The following ENOX1 variants were observed in gnomAD, a reference collection of about 807,000 sequenced individuals.
ENOX1 encodes ecto-NOX disulfide-thiol exchanger 1.
ENOX1 carries 42 observed loss-of-function variants against 82.5 expected under a neutral mutation model. The observed-to-expected ratio is 0.51, with a 90% CI of 0.40 to 0.66. ENOX1 has a LOEUF of 0.66. ENOX1 is among the 30% of genes least tolerant of loss of function. The pLI is 0.00. For missense variants in ENOX1, 608 were observed against 811.6 expected, an observed-to-expected ratio of 0.75 and a Z score of 3.05; for synonymous variants, 271 against 282.2, an observed-to-expected ratio of 0.96 and a Z score of 0.40.
At chr13:43,465,564 GA>G (rs1470915068) in intron 3 of ENOX1, among the ~76,000 whole-genome samples, 1 of 152,098 alleles carries the variant, frequency 6.6e-6, no homozygotes, top group African/African-American at 2.4e-5. Context: ...ATAATATTTA[GA>G]AACCACGGTC....
At chr13:43,309,560 T>C (rs1405432182) in intron 11 of ENOX1, among the ~76,000 whole-genome samples, 1 of 152,186 alleles carries the variant, frequency 6.6e-6, no homozygotes. Flanking sequence ...ATTTCAGTGA[T>C]TCAGATGGCT....
intron 5 of ENOX1, among the ~76,000 whole-genome samples, chr13:43,391,755 G>C (rs2052792481): frequency 6.6e-6 from 1 of 152,048 alleles, no homozygotes; most frequent in Non-Finnish European, 1.5e-5. Flanking sequence ...CTGGGACCTG[G>C]ACATGTGTGG....
At chr13:43,595,479 T>C (rs971416571) in intron 2 of ENOX1, among the ~76,000 whole-genome samples, 3 of 152,192 alleles carry the variant, frequency 2.0e-5, no homozygotes, top group Non-Finnish European at 4.4e-5. Flanking sequence ...TCTTATGTAT[T>C]AGACTTTATG....
intron 1 of ENOX1, among the ~76,000 whole-genome samples, chr13:43,668,094 T>C (rs1243065276): frequency 6.6e-6 from 1 of 152,190 alleles, no homozygotes; most frequent in East Asian, 1.9e-4. Flanking sequence ...CCTAGATATT[T>C]TCATAGGATA....
intron 3 of ENOX1, among the ~76,000 whole-genome samples, chr13:43,426,872 T>C (rs1326154827): frequency 1.3e-5 from 2 of 152,172 alleles, no homozygotes; most frequent in African/African-American, 4.8e-5. Context: ...GTGAGACACA[T>C]AATCAACATA....
intron 3 of ENOX1, among the ~76,000 whole-genome samples, chr13:43,430,458 T>C (rs1391424137): frequency 6.6e-6 from 1 of 152,226 alleles, no homozygotes; most frequent in Admixed American, 6.5e-5. Context: ...CATAATTTCT[T>C]TTCTTTATTC....
At chr13:43,300,731 CATG>C (rs1244384681) in intron 11 of ENOX1, among the ~76,000 whole-genome samples, 1 of 152,088 alleles carries the variant, frequency 6.6e-6, no homozygotes, top group Non-Finnish European at 1.5e-5. Flanking sequence ...AGTGGAAGGA[CATG>C]ATGAAATTGG....
At chr13:43,608,197 C>T (rs1371957525) in intron 2 of ENOX1, among the ~76,000 whole-genome samples, 2 of 152,140 alleles carry the variant, frequency 1.3e-5, no homozygotes, top group Non-Finnish European at 2.9e-5. Context: ...TGGGTACGAG[C>T]ATGGGGAGGG....
chr13:43,288,781 T>C lies in ENOX1; in HGVS notation c.1446+9565A>G, dbSNP rs181518934. 9.2e-5 allele frequency among the ~76,000 whole-genome samples: 14 copies of C among 152,330 alleles called. No individual in the cohort carries two copies. The East Asian group carries it at 2.7e-3, about 29-fold the overall frequency. ...GTAGATCCTCCTGATACATTGCAAC[T>C]TAATTTCCAAACTTTCTATCTTTAG... On this transcript the variant is annotated intron_variant, in intron 12 of 16. Transcript: ENST00000690772.
In ENOX1 at chr13:43,235,308, C is replaced by T. The variant is rs1223044422; in HGVS notation, c.1714+1328G>A. Among the ~76,000 whole-genome samples the T allele has an allele frequency of 3.9e-5, 6 of 152,222 alleles. No individual in the cohort carries two copies. The East Asian group carries it at 1.2e-3, about 29-fold the overall frequency. On this transcript the variant is annotated intron_variant, in intron 15 of 16. Transcript: ENST00000690772. Reference sequence around the variant, plus strand: ...TCTAAGTTGATGTCATATTCAATAACCCTGTAGTTGAAAAATCTATATATG... The same window carrying T: ...TCTAAGTTGATGTCATATTCAATAATCCTGTAGTTGAAAAATCTATATATG...
chr13:43,540,963 T>C (rs7336352), intron 2 of ENOX1, among the ~76,000 whole-genome samples: 64,711 of 151,814 alleles, frequency 0.43, 13,954 homozygotes, highest in African/African-American at 0.5. Context: ...AGGATGATGT[T>C]GGTAATTCTA....
intron 3 of ENOX1, among the ~76,000 whole-genome samples, chr13:43,415,789 A>G (rs1251640923): frequency 1.3e-5 from 2 of 151,896 alleles, no homozygotes; most frequent in Non-Finnish European, 2.9e-5. Context: ...CACCTCCCAG[A>G]TGGGGCGGCC....
chr13:43,443,454 G>A (rs960442758), intron 3 of ENOX1, among the ~76,000 whole-genome samples: 4 of 152,138 alleles, frequency 2.6e-5, no homozygotes, highest in African/African-American at 9.7e-5. Context: ...TATTAAAAGA[G>A]CTGGCACTGA....
At chr13:43,479,864 G>A (rs1308955730) in intron 3 of ENOX1, among the ~76,000 whole-genome samples, 1 of 152,162 alleles carries the variant, frequency 6.6e-6, no homozygotes, top group Non-Finnish European at 1.5e-5. Flanking sequence ...ACAATAACTG[G>A]GGTTGGGGGA....
intron 3 of ENOX1, among the ~76,000 whole-genome samples, chr13:43,447,158 C>A (rs1018868271): frequency 1.3e-5 from 2 of 152,140 alleles, no homozygotes; most frequent in Non-Finnish European, 2.9e-5. Context: ...TAACACATTG[C>A]AAATGTTGAG....
chr13:43,230,184 G>A (rs992163540), intron 15 of ENOX1, among the ~76,000 whole-genome samples: 3 of 152,212 alleles, frequency 2.0e-5, no homozygotes, highest in Non-Finnish European at 4.4e-5. Context: ...ATTTCCAGAT[G>A]TGAGTAGTCA....
chr13:43,269,403 G>A (rs748842474), intron 13 of ENOX1, 67 bp downstream of exon 13: 26 of 1,201,834 alleles, frequency 2.2e-5, no homozygotes, highest in Admixed American at 1.0e-4. Flanking sequence ...CACGGGTGAC[G>A]CACAAGGGAG....
chr13:43,634,285 T>A (rs2153752045), intron 2 of ENOX1, among the ~76,000 whole-genome samples: 1 of 152,286 alleles, frequency 6.6e-6, no homozygotes, highest in African/African-American at 2.4e-5. Context: ...ATTTATTTAC[T>A]CCAAACTCCC....
At chr13:43,701,886 G>GTA (rs2086924357) in intron 1 of ENOX1, among the ~76,000 whole-genome samples, 1 of 152,082 alleles carries the variant, frequency 6.6e-6, no homozygotes, top group Admixed American at 6.6e-5. Flanking sequence ...ATGTATGTAT[G>GTA]TATATATATA....
Sources: gnomAD v4.1 joint callset for allele counts (sites outside exome capture counted in the v4.1 genomes callset) on GRCh38, gnomAD v4.1.1 for gene constraint, MANE v1.5 for transcripts, NCBI Gene and HGNC (gene_info 2026-07-23, HGNC 2026-07-21) for gene names.